LARGE1: variants seen among roughly 807,000 people sequenced by gnomAD.
LARGE1 encodes LARGE xylosyl- and glucuronyltransferase 1, also known as xylosyl- and glucuronyltransferase LARGE1.
A neutral mutation model predicts 87.6 loss-of-function variants in LARGE1; 43 were observed. The observed-to-expected ratio is 0.49, with a 90% confidence interval of 0.38 to 0.63. The LOEUF is 0.63. Among genes scored for constraint, LARGE1 ranks in the 30% least tolerant of loss-of-function variants. The probability of loss-of-function intolerance (pLI) is 0.00; values close to 1 mark genes in which losing one functional copy is unlikely to be tolerated. For synonymous variants in LARGE1, 434 were observed against 394.6 expected, an observed-to-expected ratio of 1.10 and a Z score of -1.18; for missense variants, 802 against 1,000.2, an observed-to-expected ratio of 0.80 and a Z score of 2.67.
chr22:33,342,731 G>C (rs1051216512), intron 9 of LARGE1, among the ~76,000 whole-genome samples: 2 of 152,148 alleles, frequency 1.3e-5, no homozygotes, highest in African/African-American at 4.8e-5. Context: ...ATCCCGCTCT[G>C]CATCTGTCTA....
chr22:33,847,557 T>C (rs1341200934), intron 1 of LARGE1, among the ~76,000 whole-genome samples: 1 of 152,218 alleles, frequency 6.6e-6, no homozygotes, highest in Admixed American at 6.5e-5. Flanking sequence ...TTCAGAGTAG[T>C]GCTTTATACA....
intron 12 of LARGE1, among the ~76,000 whole-genome samples, chr22:33,297,066 C>T (rs1480947449): frequency 2.0e-5 from 3 of 152,150 alleles, no homozygotes; most frequent in Non-Finnish European, 4.4e-5. Flanking sequence ...TGAATGGGCC[C>T]AAGGAAATGT....
At chr22:33,205,203 G>C (rs1252320187) in intron 11 of LARGE1, among the ~76,000 whole-genome samples, 1 of 152,084 alleles carries the variant, frequency 6.6e-6, no homozygotes, top group Non-Finnish European at 1.5e-5. Context: ...GCAGCCCTTT[G>C]CTTCTGGGCA....
chr22:33,333,297 C>A (rs1221278677), intron 10 of LARGE1, among the ~76,000 whole-genome samples: 2 of 152,170 alleles, frequency 1.3e-5, no homozygotes, highest in African/African-American at 4.8e-5. Flanking sequence ...GGATTACAGG[C>A]GTGAGCCACT....
chr22:33,851,590 G>A (rs751342764), intron 1 of LARGE1, among the ~76,000 whole-genome samples: 7 of 152,196 alleles, frequency 4.6e-5, no homozygotes, highest in Non-Finnish European at 7.3e-5. Flanking sequence ...AAGACTACCA[G>A]GAACATACCT....
At chr22:33,332,483 T>C (rs1937852965) in intron 10 of LARGE1, among the ~76,000 whole-genome samples, 1 of 152,138 alleles carries the variant, frequency 6.6e-6, no homozygotes. Context: ...AATGGACTAA[T>C]ACAGTGGATG....
rs1183072144 is a variant in LARGE1, at chr22:33,650,576, C to T, written c.199G>A (p.Val67Met). 3 of 1,607,156 alleles carry T rather than the reference C, an allele frequency of 1.9e-6. No homozygotes were observed. The highest frequency in any genetic ancestry group is 2.5e-6 in the Non-Finnish European group (3 of 1,179,934). ...SSQRERESLE[V>M]RMREVEEENR... is the part of the protein sequence containing the mutation. The stretch of plus-strand genomic sequence containing the variant: ...TCCTCCTCCACCTCGCGCATGCGCA[C>T]CTCCAGGCTCTCGCGCTCCCGCTGG... Residue 67 changes from valine (V) to methionine (M), a missense_variant, in exon 3 of 15, where the codon GTG becomes ATG. Transcript: ENST00000397394.
intron 2 of LARGE1, among the ~76,000 whole-genome samples, chr22:33,699,534 A>G (rs749887145): frequency 6.6e-6 from 1 of 152,264 alleles, no homozygotes; most frequent in Non-Finnish European, 1.5e-5. Flanking sequence ...ATGATGATGC[A>G]GAGGACGGCA....
chr22:33,765,079 T>A (rs1312680463), intron 1 of LARGE1, among the ~76,000 whole-genome samples: 1 of 152,178 alleles, frequency 6.6e-6, no homozygotes, highest in African/African-American at 2.4e-5. Context: ...TTTTCTATAT[T>A]TTTTTGCATA....
At chr22:33,430,670 C>T (rs904618545) in intron 7 of LARGE1, among the ~76,000 whole-genome samples, 4 of 152,316 alleles carry the variant, frequency 2.6e-5, no homozygotes, top group South Asian at 4.1e-4. Flanking sequence ...TTAGGATGGC[C>T]GTCAATACAG....
chr22:33,163,351 C>T (rs1435258910), exon 12 of LARGE1: 1 of 152,142 alleles, frequency 6.6e-6, no homozygotes, highest in Non-Finnish European at 1.5e-5. Flanking sequence ...TATGCTTTTA[C>T]TGATGTAGGA....
intron 2 of LARGE1, among the ~76,000 whole-genome samples, chr22:33,712,266 T>C (rs1454606814): frequency 6.6e-6 from 1 of 152,112 alleles, no homozygotes; most frequent in African/African-American, 2.4e-5. Context: ...GGAGCCTGGA[T>C]TGCAGGCCTA....
Position 33,512,496 on chromosome 22 carries a change from G to A in LARGE1, c.787+52352C>T, listed in dbSNP as rs547261066. Among the ~76,000 whole-genome samples the A allele has an allele frequency of 2.4e-4, 37 of 152,308 alleles. 2 individuals carry two copies. In the South Asian group the frequency reaches 2.5e-3, roughly 10 times the overall value. ...TTAAAAATATACAGAAAAGTAGATTGCAAGTAACTAATCAAATAATGGTGG... is the reference window on the plus strand; with the variant it reads ...TTAAAAATATACAGAAAAGTAGATTACAAGTAACTAATCAAATAATGGTGG... On this transcript the variant is annotated intron_variant, in intron 6 of 14. Coordinates refer to ENST00000397394, the MANE Select transcript of LARGE1 (RefSeq NM_133642.5).
In LARGE1 at chr22:33,887,665, A is replaced by T. The variant is rs1375854351; in HGVS notation, c.-83+32330T>A. ...AGGCAGGAGAACTGCTTGAGCCTGG[A>T]GGTGGAGGTTGTGGTGAGTTGACAT... On this transcript the variant is annotated intron_variant, in intron 1 of 14. Transcript: ENST00000397394. Among the ~76,000 whole-genome samples the T allele has an allele frequency of 4.6e-5, 7 of 151,816 alleles. No individual in the cohort carries two copies. In the East Asian group the frequency reaches 1.4e-3, roughly 29 times the overall value.
intron 11 of LARGE1, among the ~76,000 whole-genome samples, chr22:33,259,113 T>C (rs1374938474): frequency 1.3e-5 from 2 of 152,036 alleles, no homozygotes; most frequent in East Asian, 1.9e-4. Context: ...CTCCTGACCT[T>C]GTGATTTGCC....
chr22:33,206,390 C>T (rs1191213917), intron 11 of LARGE1, among the ~76,000 whole-genome samples: 1 of 152,238 alleles, frequency 6.6e-6, no homozygotes. Context: ...CCGTGACTGA[C>T]CAAATTGCAT....
intron 2 of LARGE1, among the ~76,000 whole-genome samples, chr22:33,664,882 A>G (rs2081224171): frequency 6.6e-6 from 1 of 152,054 alleles, no homozygotes; most frequent in African/African-American, 2.4e-5. Flanking sequence ...AACAGCAACA[A>G]CAACAAAAAA....
chr22:33,201,796 G>A (rs1924409574), intron 11 of LARGE1, among the ~76,000 whole-genome samples: 1 of 152,160 alleles, frequency 6.6e-6, no homozygotes, highest in East Asian at 1.9e-4. Context: ...ATGGAGATCC[G>A]CTGAAGCGTT....
intron 1 of LARGE1, among the ~76,000 whole-genome samples, chr22:33,807,957 T>C (rs540698881): frequency 2.6e-5 from 4 of 152,374 alleles, no homozygotes; most frequent in African/African-American, 9.6e-5. Context: ...ATAAAGTTGC[T>C]TTAAACACCT....
Sources: allele counts gnomAD v4.1 joint callset (sites outside exome capture counted in the v4.1 genomes callset), GRCh38; gene constraint gnomAD v4.1.1; transcripts MANE v1.5; gene names NCBI Gene and HGNC (gene_info 2026-07-23, HGNC 2026-07-21).